Variants in PALM2AKAP2 observed in about 807,000 individuals in gnomAD.
The protein encoded by PALM2AKAP2 is PALM2-AKAP2 fusion protein.
PALM2AKAP2 carries 37 observed loss-of-function variants against 71.5 expected under a neutral mutation model. The observed-to-expected ratio is 0.52, with a 90% CI of 0.40 to 0.68. The LOEUF is 0.68. PALM2AKAP2 is among the 30% of genes least tolerant of loss of function. The probability of loss-of-function intolerance (pLI) is 0.00; values close to 1 mark genes in which losing one functional copy is unlikely to be tolerated. For missense variants in PALM2AKAP2, 1,224 were observed against 1,191.8 expected, an observed-to-expected ratio of 1.03 and a Z score of -0.40; for synonymous variants, 468 against 478.8, an observed-to-expected ratio of 0.98 and a Z score of 0.29.
chr9:110,098,451 A>T (rs1834915447), intron 1 of PALM2AKAP2, among the ~76,000 whole-genome samples: 1 of 152,222 alleles, frequency 6.6e-6, no homozygotes, highest in Non-Finnish European at 1.5e-5. Context: ...CTGAAAACTA[A>T]TGTATTGTAT....
intron 1 of PALM2AKAP2, chr9:109,640,931 C>A (rs933936113): frequency 1.9e-5 from 28 of 1,469,040 alleles, no homozygotes; most frequent in African/African-American, 2.9e-5. Flanking sequence ...GTGACCGCGG[C>A]GGCAGGCAGA....
At chr9:110,038,830 A>C (rs1833462277) in intron 7 of PALM2AKAP2, among the ~76,000 whole-genome samples, 2 of 148,100 alleles carry the variant, frequency 1.4e-5, no homozygotes, top group South Asian at 4.3e-4. Context: ...AATCCCAGCT[A>C]CTTGGGAGGC....
chr9:110,122,368 G>A (rs936949879), intron 1 of PALM2AKAP2, among the ~76,000 whole-genome samples: 1 of 152,266 alleles, frequency 6.6e-6, no homozygotes, highest in East Asian at 1.9e-4. Flanking sequence ...TAGCCCAAAC[G>A]CTTCTTGGGT....
intron 1 of PALM2AKAP2, among the ~76,000 whole-genome samples, chr9:109,821,365 T>C (rs551879957): frequency 6.6e-6 from 1 of 152,326 alleles, no homozygotes; most frequent in African/African-American, 2.4e-5. Flanking sequence ...AAAATAATAA[T>C]AATAATTGTC....
At chr9:109,687,208 T>C (rs918069973) in intron 1 of PALM2AKAP2, among the ~76,000 whole-genome samples, 2 of 152,292 alleles carry the variant, frequency 1.3e-5, no homozygotes, top group African/African-American at 4.8e-5. Flanking sequence ...TTAGCCTCAA[T>C]TTAAAGTCAC....
At chr9:110,119,759 G>A (rs1191991106) in intron 1 of PALM2AKAP2, among the ~76,000 whole-genome samples, 2 of 152,088 alleles carry the variant, frequency 1.3e-5, no homozygotes, top group South Asian at 2.1e-4. Flanking sequence ...TTATGTTTGG[G>A]TTGTTGACCT....
At chr9:110,025,399 C>CTTT in intron 7 of PALM2AKAP2, 11 of 670,304 alleles carry the variant, frequency 1.6e-5, no homozygotes, top group Admixed American at 2.5e-5. Flanking sequence ...GCCCGAAAGG[C>CTTT]TTTTTTTTTT....
chr9:109,954,756 A>T (rs1831715816), intron 6 of PALM2AKAP2, among the ~76,000 whole-genome samples: 1 of 152,028 alleles, frequency 6.6e-6, no homozygotes, highest in Admixed American at 6.5e-5. Flanking sequence ...TTCTGGGCTG[A>T]ATCTGGCCTA....
exon 3 of PALM2AKAP2, chr9:110,156,410 C>G (rs965413408): frequency 1.2e-6 from 2 of 1,613,338 alleles, no homozygotes; most frequent in Non-Finnish European, 8.5e-7. Context: ...CTGCCGGAAC[C>G]CAGCGGCCCA....
At position 109,679,935 on chromosome 9, in the gene PALM2AKAP2, G is replaced by A. The variant is rs576058044; in HGVS notation, c.5+39069G>A. Among the ~76,000 whole-genome samples, 361 of 152,142 alleles carry A rather than the reference G, an allele frequency of 2.4e-3. 1 individual carries two copies. The highest frequency in any genetic ancestry group is 4.3e-3 in the Non-Finnish European group (290 of 67,994). On this transcript the variant is annotated intron_variant, in intron 1 of 6. Transcript: ENST00000374531. ...GCTTCATTTATTAGCTGTGTGACTT[G>A]GTAAATTACCTTGATCATTCTGAAT...
chr9:110,082,314 C>T (rs1834467888), intron 1 of PALM2AKAP2, among the ~76,000 whole-genome samples: 1 of 152,158 alleles, frequency 6.6e-6, no homozygotes, highest in South Asian at 2.1e-4. Flanking sequence ...CCTCAGCCTC[C>T]CAAAGTGCTG....
At chr9:109,915,909 A>G (rs1830677928) in intron 3 of PALM2AKAP2, among the ~76,000 whole-genome samples, 2 of 152,092 alleles carry the variant, frequency 1.3e-5, no homozygotes, top group South Asian at 4.2e-4. Context: ...CTTTGGATTC[A>G]ACTGACCAAC....
At chr9:109,986,503 C>T (rs574182227) in intron 6 of PALM2AKAP2, among the ~76,000 whole-genome samples, 2 of 152,300 alleles carry the variant, frequency 1.3e-5, no homozygotes, top group East Asian at 3.9e-4. Flanking sequence ...CTTCCTTTCT[C>T]AACATTTTCT....
chr9:109,677,381 T>A (rs1047488896), intron 1 of PALM2AKAP2, among the ~76,000 whole-genome samples: 3 of 152,096 alleles, frequency 2.0e-5, no homozygotes, highest in African/African-American at 7.2e-5. Context: ...ATTTTTGCCA[T>A]ACCAGGTTGG....
chr9:109,681,484 G>A (rs1426071597), intron 1 of PALM2AKAP2, among the ~76,000 whole-genome samples: 1 of 152,178 alleles, frequency 6.6e-6, no homozygotes, highest in Non-Finnish European at 1.5e-5. Flanking sequence ...ATGTCACAGT[G>A]GGGTTGTAGA....
intron 1 of PALM2AKAP2, among the ~76,000 whole-genome samples, chr9:110,054,329 G>T (rs979340669): frequency 1.3e-5 from 2 of 152,130 alleles, no homozygotes; most frequent in Non-Finnish European, 2.9e-5. Flanking sequence ...AACCCAGGAG[G>T]CAGAGGTTGC....
chr9:110,024,071 G>GCTCTAAAT (rs1347234950), intron 7 of PALM2AKAP2, among the ~76,000 whole-genome samples: 19 of 152,112 alleles, frequency 1.2e-4, no homozygotes, highest in Middle Eastern at 6.8e-3. Flanking sequence ...CTTGTTAGAG[G>GCTCTAAAT]CTCTAAATTG....
intron 1 of PALM2AKAP2, among the ~76,000 whole-genome samples, chr9:109,835,372 G>A (rs1343939071): frequency 1.3e-5 from 2 of 149,780 alleles, no homozygotes; most frequent in Non-Finnish European, 3.0e-5. Flanking sequence ...AGAGGGGAAG[G>A]TGGAGGGAAA....
chr9:110,071,970 C>T (rs77938000), intron 1 of PALM2AKAP2, among the ~76,000 whole-genome samples: 2,021 of 152,226 alleles, frequency 0.013, 36 homozygotes, highest in African/African-American at 0.047. Context: ...ATAGTTCAGA[C>T]AGTGAGTGTT....
Sources: gnomAD v4.1 joint callset for allele counts (sites outside exome capture counted in the v4.1 genomes callset) on GRCh38, gnomAD v4.1.1 for gene constraint, MANE v1.5 for transcripts, NCBI Gene and HGNC (gene_info 2026-07-23, HGNC 2026-07-21) for gene names.